PDE11A: variants seen among roughly 807,000 people sequenced by gnomAD.
The protein encoded by PDE11A is phosphodiesterase 11A.
A neutral mutation model predicts 100.5 loss-of-function variants in PDE11A; 100 were observed. That is an observed-to-expected ratio of 1.00 (90% confidence interval 0.85 to 1.18). The LOEUF is 1.18. Among genes scored for constraint, PDE11A ranks in the 50% most tolerant of loss-of-function variants. PDE11A has a pLI of 0.00. For synonymous variants in PDE11A, 381 were observed against 420.8 expected, an observed-to-expected ratio of 0.91 and a Z score of 1.16; for missense variants, 1,141 against 1,152.6, an observed-to-expected ratio of 0.99 and a Z score of 0.15.
chr2:178,059,409 C>G (rs1485632493), intron 1 of PDE11A, among the ~76,000 whole-genome samples: 4 of 152,204 alleles, frequency 2.6e-5, no homozygotes, highest in Admixed American at 2.0e-4. Flanking sequence ...ATCCAGGTAG[C>G]AAGCTTGTCA....
chr2:177,665,856 CAAAAAAA>C (rs3056853), intron 18 of PDE11A, among the ~76,000 whole-genome samples: 1 of 137,302 alleles, frequency 7.3e-6, no homozygotes, highest in African/African-American at 2.7e-5. Flanking sequence ...GACTCCATCT[CAAAAAAA>C]AAAAAAAAAA....
chr2:177,828,880 A>G (rs1430021453), intron 6 of PDE11A, among the ~76,000 whole-genome samples: 1 of 152,152 alleles, frequency 6.6e-6, no homozygotes, highest in East Asian at 1.9e-4. Context: ...GAGTTGTAAC[A>G]TAACTTAAAA....
intron 2 of PDE11A, among the ~76,000 whole-genome samples, chr2:177,909,608 G>T (rs1037569529): frequency 6.6e-6 from 1 of 152,038 alleles, no homozygotes; most frequent in Non-Finnish European, 1.5e-5. Flanking sequence ...CCAAATGTTG[G>T]CCCTATTGGA....
At chr2:178,089,866 T>C (rs184031132) in intron 2 of PDE11A, among the ~76,000 whole-genome samples, 40 of 152,270 alleles carry the variant, frequency 2.6e-4, no homozygotes, top group Admixed American at 5.2e-4. Flanking sequence ...AGCTGGATGA[T>C]AGGAATGGCC....
At chr2:177,785,004 A>T (rs2082511671) in intron 9 of PDE11A, among the ~76,000 whole-genome samples, 1 of 152,124 alleles carries the variant, frequency 6.6e-6, no homozygotes, top group Non-Finnish European at 1.5e-5. Flanking sequence ...TCATTTAGTA[A>T]AACTTTGTTT....
chr2:178,078,154 C>T (rs1388349208), intron 2 of PDE11A, among the ~76,000 whole-genome samples: 1 of 151,878 alleles, frequency 6.6e-6, no homozygotes, highest in African/African-American at 2.4e-5. Context: ...CTCTTCTGGG[C>T]TTCTACTTGA....
At chr2:177,838,294 T>C (rs550166229) in intron 6 of PDE11A, among the ~76,000 whole-genome samples, 37 of 152,312 alleles carry the variant, frequency 2.4e-4, no homozygotes, top group African/African-American at 8.2e-4. Flanking sequence ...TCCAATTAGA[T>C]TGGCAAATGA....
intron 19 of PDE11A, 104 bp from the exon 20 acceptor site, chr2:177,629,666 G>A (rs1454496326): frequency 7.0e-6 from 8 of 1,143,002 alleles, no homozygotes; most frequent in Middle Eastern, 4.4e-4. Context: ...CTGGCTATAG[G>A]AAATGAAAGT....
intron 5 of PDE11A, among the ~76,000 whole-genome samples, chr2:177,852,675 TG>T (rs958451748): frequency 5.5e-4 from 84 of 152,320 alleles, no homozygotes; most frequent in African/African-American, 1.9e-3. Context: ...AATCTTTTAA[TG>T]GCTTAAGTAT....
At chr2:177,817,793 T>C in intron 8 of PDE11A, 65 bp downstream of exon 8, 1 of 782,826 alleles carries the variant, frequency 1.3e-6, no homozygotes, top group Non-Finnish European at 2.3e-6. Context: ...GTCTTTCAAA[T>C]TTGGGCAAGC....
Position 177,820,250 on chromosome 2 carries a change from G to T in PDE11A, c.1546C>A (p.Pro516Thr). ...ATTTGGTGGTTGCTATTCCAAATAGGGACACAAAGAACAGATCTTATGTGA... is the reference window on the plus strand; with the variant it reads ...ATTTGGTGGTTGCTATTCCAAATAGTGACACAAAGAACAGATCTTATGTGA... Reference protein sequence around the residue: ...GFHIRSVLCVPIWNSNHQIIG... With the variant: ...GFHIRSVLCVTIWNSNHQIIG... Residue 516 changes from proline to threonine, a missense_variant, in exon 7 of 20, where the codon CCT becomes ACT. Pro to Thr is a conservative substitution (Grantham distance 38). Transcript: ENST00000286063. 1 of 1,588,170 alleles carries T rather than the reference G, an allele frequency of 6.3e-7. No individual in the cohort carries two copies. The highest frequency in any genetic ancestry group is 8.6e-7 in the Non-Finnish European group (1 of 1,157,066).
At chr2:177,895,924 A>C (rs1428591415) in intron 4 of PDE11A, among the ~76,000 whole-genome samples, 1 of 152,236 alleles carries the variant, frequency 6.6e-6, no homozygotes, top group Non-Finnish European at 1.5e-5. Flanking sequence ...ATTATTATTT[A>C]TCAATTAAAA....
At position 177,747,219 on chromosome 2, in the gene PDE11A, A is replaced by G. The variant is rs181421274; in HGVS notation, c.1789-19047T>C. ...GAAAGTAAAGAACAACTTGAAAAGC[A>G]TCAATGATTTTGTCAGGGACCTGCT... On this transcript the variant is annotated intron_variant, in intron 10 of 19. Coordinates refer to ENST00000286063, the MANE Select transcript of PDE11A (RefSeq NM_016953.4). Among the ~76,000 whole-genome samples, 257 of 152,360 alleles carry G rather than the reference A, an allele frequency of 1.7e-3. 3 individuals carry two copies. Among genetic ancestry groups the G allele is most frequent in the Admixed American group, 0.014 (214 of 15,300 alleles).
chr2:177,907,498 T>C (rs1468389526), intron 2 of PDE11A, among the ~76,000 whole-genome samples: 1 of 152,222 alleles, frequency 6.6e-6, no homozygotes, highest in Non-Finnish European at 1.5e-5. Context: ...TACATCTGTT[T>C]TATATTCACT....
chr2:177,707,729 G>A (rs773361286), intron 13 of PDE11A, among the ~76,000 whole-genome samples: 3 of 152,076 alleles, frequency 2.0e-5, no homozygotes, highest in Non-Finnish European at 2.9e-5. Context: ...GATAAAATCC[G>A]ATCGGTCCAG....
At chr2:177,993,925 C>T (rs565674411) in intron 2 of PDE11A, among the ~76,000 whole-genome samples, 191 of 144,182 alleles carry the variant, frequency 1.3e-3, no homozygotes, top group Non-Finnish European at 2.4e-3. Context: ...GATTAGACTC[C>T]GCAAATGTAA....
intron 5 of PDE11A, among the ~76,000 whole-genome samples, chr2:177,853,992 A>G (rs911858765): frequency 1.3e-5 from 2 of 150,656 alleles, no homozygotes; most frequent in African/African-American, 2.4e-5. Flanking sequence ...CAAGAAAGGG[A>G]GCAGATTCAA....
At chr2:177,736,689 A>G (rs1017835405) in intron 10 of PDE11A, among the ~76,000 whole-genome samples, 7 of 152,148 alleles carry the variant, frequency 4.6e-5, no homozygotes, top group Non-Finnish European at 5.9e-5. Context: ...ATGGAGGCAA[A>G]GGACTCCCAT....
At chr2:178,099,386 C>A (rs1487678432) in intron 2 of PDE11A, among the ~76,000 whole-genome samples, 1 of 145,994 alleles carries the variant, frequency 6.8e-6, no homozygotes, top group African/African-American at 2.5e-5. Flanking sequence ...AGCAGTGAGC[C>A]GAGATCACAA....
Sources: gnomAD v4.1 joint callset for allele counts (sites outside exome capture counted in the v4.1 genomes callset) on GRCh38, gnomAD v4.1.1 for gene constraint, MANE v1.5 for transcripts, NCBI Gene and HGNC (gene_info 2026-07-23, HGNC 2026-07-21) for gene names.